Variants in EARS2 observed in about 807,000 individuals in gnomAD.
EARS2 encodes glutamyl-tRNA synthetase 2, mitochondrial.
Under a neutral mutation model 54.1 loss-of-function variants are expected in EARS2, and 50 were observed. That is an observed-to-expected ratio of 0.92 (90% CI 0.74 to 1.17). The LOEUF (loss-of-function observed/expected upper bound fraction) is 1.17, where lower values mean the gene tolerates loss of function less well. Among genes scored for constraint, EARS2 ranks in the 50% most tolerant of loss-of-function variants. The pLI, the probability that EARS2 is intolerant of heterozygous loss-of-function variation, is 0.00. For missense variants in EARS2, 673 were observed against 675.0 expected, an observed-to-expected ratio of 1.00 and a Z score of 0.03; for synonymous variants, 298 against 281.0, an observed-to-expected ratio of 1.06 and a Z score of -0.61.
intron 3 of EARS2, 40 bp downstream of exon 3, chr16:23,544,474 C>A: frequency 1.9e-6 from 3 of 1,587,476 alleles, no homozygotes; most frequent in Non-Finnish European, 2.6e-6. Flanking sequence ...CAAACACACC[C>A]AATGTTGATG....
intron 1 of EARS2, 126 bp from the exon 2 acceptor site, chr16:23,552,430 C>T (rs1965712184): frequency 9.1e-7 from 1 of 1,097,718 alleles, no homozygotes; most frequent in Non-Finnish European, 1.3e-6. Flanking sequence ...CACATTGGCT[C>T]ACGCCTGTAA....
intron 7 of EARS2, among the ~76,000 whole-genome samples, chr16:23,527,199 C>T (rs1245073603): frequency 1.3e-5 from 2 of 151,932 alleles, no homozygotes; most frequent in African/African-American, 4.8e-5. Flanking sequence ...CTCCTGGCTT[C>T]AAGTGATCCT....
At chr16:23,524,873 G>A in intron 8 of EARS2, 1 of 429,028 alleles carries the variant, frequency 2.3e-6, no homozygotes, top group Non-Finnish European at 4.1e-6. Context: ...TCAAACTCCT[G>A]ACCTCAGGTG....
At chr16:23,552,364 G>C in intron 1 of EARS2, 60 bp from the exon 2 acceptor site, 1 of 1,558,060 alleles carries the variant, frequency 6.4e-7, no homozygotes, top group Non-Finnish European at 8.8e-7. Context: ...CTCAGCAAGG[G>C]GCAAGTAAGC....
Position 23,535,149 on chromosome 16 carries a change from C to A in EARS2, c.697G>T (p.Val233Leu), listed in dbSNP as rs754845368. ...ATGCCCATGTGGTGGTCGTCCACCA[C>A]GCAGGCCAGGTGGTATGTGGGGAAG... ...DGFPTYHLAC[V>L]VDDHHMGISH... Residue 233 changes from valine to leucine, a missense_variant, in exon 4 of 9, where the codon GTG (valine) becomes TTG (leucine). Around this residue, in one of 3 missense-constraint regions of EARS2, gnomAD observed 338 missense variants for 361.2 expected, o/e 0.94. Coordinates refer to ENST00000449606, the MANE Select transcript of EARS2 (RefSeq NM_001083614.2). 8 of 1,613,294 alleles carry A rather than the reference C, an allele frequency of 5.0e-6. No individual in the cohort carries two copies. Among genetic ancestry groups the A allele is most frequent in the Non-Finnish European group, 6.8e-6 (8 of 1,179,920 alleles).
chr16:23,550,761 C>G (rs754206112), intron 2 of EARS2: 64 of 152,236 alleles, frequency 4.2e-4, no homozygotes, highest in Middle Eastern at 3.4e-3. Flanking sequence ...CTTTAGGAAT[C>G]CAGAGTTTAG....
Position 23,523,655 on chromosome 16 carries a change from G to C in EARS2, c.*716C>G, listed in dbSNP as rs1235067699. The C allele has an allele frequency of 6.6e-6, 1 of 152,326 alleles. No individual in the cohort carries two copies. The highest frequency in any genetic ancestry group is 6.5e-5 in the Admixed American group (1 of 15,276). 9.4% of individuals were successfully genotyped at this position (152,326 alleles called of 1,614,324 possible). On this transcript the variant is annotated 3_prime_UTR_variant, in exon 9 of 9. Coordinates refer to ENST00000449606, the MANE Select transcript of EARS2 (RefSeq NM_001083614.2). The stretch of plus-strand genomic sequence containing the variant: ...GACCCATGAGTCCTGCTGCCCAGCT[G>C]CTACGGGCTGAATTCTGTCCCCCTA...
At chr16:23,536,033 T>C (rs1965412161) in intron 3 of EARS2, among the ~76,000 whole-genome samples, 1 of 152,202 alleles carries the variant, frequency 6.6e-6, no homozygotes, top group South Asian at 2.1e-4. Context: ...CAAATGTCTA[T>C]GATTGATGCC....
intron 7 of EARS2, among the ~76,000 whole-genome samples, chr16:23,527,110 C>T (rs1965241700): frequency 6.6e-6 from 1 of 152,086 alleles, no homozygotes; most frequent in African/African-American, 2.4e-5. Context: ...CCACAGGCAC[C>T]CACCACGATG....
intron 4 of EARS2, among the ~76,000 whole-genome samples, 183 bp from the exon 5 acceptor site, chr16:23,532,948 AG>A (rs1965351666): frequency 6.6e-6 from 1 of 152,124 alleles, no homozygotes; most frequent in Non-Finnish European, 1.5e-5. Context: ...TCTTCCAAGT[AG>A]CTGGGACTAC....
At position 23,538,156 on chromosome 16, in the gene EARS2, A is replaced by G. The variant is rs147747973; in HGVS notation, c.486-2796T>C. On this transcript the variant is annotated intron_variant, in intron 3 of 8. Transcript: ENST00000449606. Reference sequence around the variant, plus strand: ...AAAGTCTGAGCCATACAAAACCTACACTATCCTAGTTGGGTTTTTTTGTTT... The same window carrying G: ...AAAGTCTGAGCCATACAAAACCTACGCTATCCTAGTTGGGTTTTTTTGTTT... Among the ~76,000 whole-genome samples, 142 of 149,394 alleles carry G rather than the reference A, an allele frequency of 9.5e-4. 1 individual carries two copies. In the East Asian group the frequency reaches 0.027, roughly 28 times the overall value.
intron 7 of EARS2, 119 bp downstream of exon 7, chr16:23,529,383 T>C: frequency 7.5e-7 from 1 of 1,336,794 alleles, no homozygotes; most frequent in Admixed American, 2.5e-5. Context: ...GGGTCACTTC[T>C]TCACTGGCCA....
intron 5 of EARS2, 124 bp downstream of exon 5, chr16:23,532,533 G>T (rs1218867827): frequency 1.6e-6 from 1 of 607,792 alleles, no homozygotes; most frequent in Non-Finnish European, 2.9e-6. Flanking sequence ...GCTCAAAGAG[G>T]CTAGGTGATT....
rs1056920093 is a variant in EARS2 at position 23,520,975 on chromosome 16, A to G, written c.*3396T>C. ...CCTGGCTAATTTTTGTACTTTTAGT[A>G]GAGATGGGGTTTCACCATGTTGGCC... On this transcript the variant is annotated 3_prime_UTR_variant, in exon 9 of 9. Coordinates refer to ENST00000449606, the MANE Select transcript of EARS2 (RefSeq NM_001083614.2). Among the ~76,000 whole-genome samples the G allele has an allele frequency of 6.6e-6, 1 of 152,110 alleles. No individual in the cohort carries two copies. Among genetic ancestry groups the G allele is most frequent in the Non-Finnish European group, 1.5e-5 (1 of 68,014 alleles).
intron 2 of EARS2, among the ~76,000 whole-genome samples, chr16:23,550,178 T>C (rs554715607): frequency 2.6e-4 from 39 of 151,886 alleles, no homozygotes; most frequent in Middle Eastern, 3.4e-3. Context: ...CTGGGCAACA[T>C]AGCAAGACCC....
chr16:23,526,751 G>A (rs535748680), intron 7 of EARS2, among the ~76,000 whole-genome samples: 15 of 152,174 alleles, frequency 9.9e-5, no homozygotes, highest in Admixed American at 5.9e-4. Context: ...GGATTCCAGC[G>A]GGCCAGCAAC....
intron 1 of EARS2, chr16:23,556,993 G>A (rs893803511): frequency 2.6e-6 from 2 of 759,300 alleles, no homozygotes; most frequent in South Asian, 1.5e-5. Flanking sequence ...AAAGAGATGG[G>A]ATGGCACAAA....
At chr16:23,528,512 C>T (rs939724873) in intron 7 of EARS2, among the ~76,000 whole-genome samples, 1 of 152,228 alleles carries the variant, frequency 6.6e-6, no homozygotes, top group African/African-American at 2.4e-5. Context: ...TGGGTATCAG[C>T]TTTCCTGACT....
At position 23,552,246 on chromosome 16, in the gene EARS2, C is replaced by T. The variant is rs1241496747; in HGVS notation, c.198G>A (p.Lys66=). ...GCCTCAGGATGAAGCTCCCCTGGTACTTCTTAGCAAAGATGTAGTTGTACA... is the reference window on the plus strand; with the variant it reads ...GCCTCAGGATGAAGCTCCCCTGGTATTTCTTAGCAAAGATGTAGTTGTACA... ...TALYNYIFAK[K]YQGSFILRLE... The change falls in exon 2 of 9, where the codon AAG becomes AAA. Residue 66 remains lysine, a synonymous_variant. Transcript: ENST00000449606. 2 of 1,614,220 alleles carry T rather than the reference C, an allele frequency of 1.2e-6. No homozygotes were observed. Among genetic ancestry groups the T allele is most frequent in the East Asian group, 4.5e-5 (2 of 44,888 alleles).
Sources: allele counts gnomAD v4.1 joint callset (sites outside exome capture counted in the v4.1 genomes callset), GRCh38; gene constraint gnomAD v4.1.1; regional missense constraint gnomAD v4.1.1; transcripts MANE v1.5; gene names NCBI Gene and HGNC (gene_info 2026-07-23, HGNC 2026-07-21).